ARHGAP42: variants seen among roughly 807,000 people sequenced by gnomAD.
ARHGAP42 encodes the protein Rho GTPase activating protein 42.
Under a neutral mutation model 125.0 loss-of-function variants are expected in ARHGAP42, and 63 were observed. The observed-to-expected ratio is 0.50, with a 90% CI of 0.41 to 0.62. The LOEUF (loss-of-function observed/expected upper bound fraction) is 0.62. Among genes scored for constraint, ARHGAP42 ranks in the 20% least tolerant of loss-of-function variants. ARHGAP42 has a pLI of 0.00. For missense variants in ARHGAP42, 766 were observed against 1,024.2 expected (o/e 0.75, Z 3.44); for synonymous variants, 339 against 351.0 (o/e 0.97, Z 0.38).
intron 10 of ARHGAP42, among the ~76,000 whole-genome samples, chr11:100,944,783 G>A (rs1867974798): frequency 1.3e-5 from 2 of 150,554 alleles, no homozygotes; most frequent in Admixed American, 1.3e-4. Context: ...GGTCATCTGA[G>A]TCTTTAGTGA....
intron 13 of ARHGAP42, among the ~76,000 whole-genome samples, chr11:100,960,275 G>A (rs1308398035): frequency 6.6e-6 from 1 of 151,206 alleles, no homozygotes; most frequent in East Asian, 1.9e-4. Context: ...TTCTTAAGGA[G>A]CTTGTCTTCA....
At position 100,973,901 on chromosome 11, in the gene ARHGAP42, G is replaced by A. The variant is rs193208758; in HGVS notation, c.1711-558G>A. On this transcript the variant is annotated intron_variant, in intron 18 of 23. Coordinates refer to ENST00000298815, the MANE Select transcript of ARHGAP42 (RefSeq NM_152432.4). Reference sequence around the variant, plus strand: ...CTGGTCCTTGTGAGAGAATGATTAAGGCCTTCTCCTCCCCTGGGTCCCTTC... The same window carrying A: ...CTGGTCCTTGTGAGAGAATGATTAAAGCCTTCTCCTCCCCTGGGTCCCTTC... Among the ~76,000 whole-genome samples, 68 of 152,272 alleles carry A rather than the reference G, an allele frequency of 4.5e-4. No homozygotes were observed. The East Asian group carries it at 0.012, about 26-fold the overall frequency.
In ARHGAP42 at chr11:100,844,203, A is replaced by G. The variant is rs146260817; in HGVS notation, c.313-15351A>G. 3.5e-4 allele frequency among the ~76,000 whole-genome samples: 54 copies of G among 152,266 alleles called. 2 individuals are homozygous for G. In the East Asian group the frequency reaches 9.8e-3, roughly 28 times the overall value. Reference sequence around the variant, plus strand: ...AACAAAAACAAAAAGTGGGGAAAGGACACCCCATTGAACAAATGGTGCTGG... The same window carrying G: ...AACAAAAACAAAAAGTGGGGAAAGGGCACCCCATTGAACAAATGGTGCTGG... On this transcript the variant is annotated intron_variant, in intron 3 of 23. Transcript: ENST00000298815.
At chr11:100,856,687 T>A (rs971512800) in intron 3 of ARHGAP42, among the ~76,000 whole-genome samples, 1 of 152,132 alleles carries the variant, frequency 6.6e-6, no homozygotes, top group Non-Finnish European at 1.5e-5. Flanking sequence ...GTTATTAATC[T>A]GGATTTCAAT....
chr11:100,903,037 A>T (rs777752652), intron 4 of ARHGAP42, among the ~76,000 whole-genome samples: 1 of 151,376 alleles, frequency 6.6e-6, no homozygotes, highest in Non-Finnish European at 1.5e-5. Flanking sequence ...TGCTGTGGCC[A>T]GGTCAGCTGA....
intron 3 of ARHGAP42, among the ~76,000 whole-genome samples, chr11:100,811,701 T>A (rs1269134118): frequency 6.6e-6 from 1 of 151,982 alleles, no homozygotes; most frequent in Non-Finnish European, 1.5e-5. Context: ...GGTTTCATCA[T>A]GTTAGCCAGG....
At chr11:100,752,936 G>C (rs576698153) in intron 1 of ARHGAP42, among the ~76,000 whole-genome samples, 1 of 152,332 alleles carries the variant, frequency 6.6e-6, no homozygotes, top group South Asian at 2.1e-4. Context: ...ATGCTCGCAA[G>C]AGAATGCCAG....
chr11:100,835,356 C>T (rs1280468513), intron 3 of ARHGAP42, among the ~76,000 whole-genome samples: 1 of 152,090 alleles, frequency 6.6e-6, no homozygotes, highest in Admixed American at 6.5e-5. Flanking sequence ...TAATTTAACC[C>T]TAAAGGTTTC....
At chr11:100,764,170 A>G (rs1284604210) in intron 1 of ARHGAP42, among the ~76,000 whole-genome samples, 1 of 151,860 alleles carries the variant, frequency 6.6e-6, no homozygotes, top group Admixed American at 6.6e-5. Context: ...CACTGGCACA[A>G]GCCACTGCAC....
intron 12 of ARHGAP42, among the ~76,000 whole-genome samples, chr11:100,958,942 T>C (rs988221844): frequency 2.6e-5 from 4 of 151,984 alleles, no homozygotes; most frequent in African/African-American, 9.7e-5. Flanking sequence ...TTTTTTGATA[T>C]ATATTTTTTT....
intron 2 of ARHGAP42, among the ~76,000 whole-genome samples, chr11:100,783,595 A>G (rs546745414): frequency 4.9e-4 from 75 of 152,312 alleles, no homozygotes; most frequent in South Asian, 1.2e-3. Flanking sequence ...CGAAAGCTGT[A>G]AGGGCCACTT....
intron 2 of ARHGAP42, among the ~76,000 whole-genome samples, chr11:100,783,800 C>T (rs1863370219): frequency 6.6e-6 from 1 of 152,200 alleles, no homozygotes. Flanking sequence ...TTACTTAGTT[C>T]ATGCTGATGT....
At chr11:100,881,636 G>T (rs1865965130) in intron 4 of ARHGAP42, among the ~76,000 whole-genome samples, 1 of 152,040 alleles carries the variant, frequency 6.6e-6, no homozygotes, top group Non-Finnish European at 1.5e-5. Context: ...ATTTTGATGG[G>T]AATTGCATTG....
intron 2 of ARHGAP42, among the ~76,000 whole-genome samples, chr11:100,786,475 T>A (rs1192669999): frequency 6.6e-6 from 1 of 152,226 alleles, no homozygotes; most frequent in East Asian, 1.9e-4. Flanking sequence ...TTTGCATGTA[T>A]CTATTTGCCA....
chr11:100,809,851 AG>A (rs1270108953), intron 3 of ARHGAP42, among the ~76,000 whole-genome samples: 1 of 152,024 alleles, frequency 6.6e-6, no homozygotes, highest in Non-Finnish European at 1.5e-5. Context: ...TGAGGTGGGA[AG>A]ATCACTTGAG....
chr11:100,790,189 G>T (rs1300613701), intron 2 of ARHGAP42, among the ~76,000 whole-genome samples: 2 of 152,082 alleles, frequency 1.3e-5, no homozygotes. Context: ...TACAAAATAG[G>T]TATTTTAGAC....
chr11:100,875,762 G>T (rs913660697), intron 4 of ARHGAP42, among the ~76,000 whole-genome samples: 1 of 38,402 alleles, frequency 2.6e-5, no homozygotes, highest in East Asian at 8.8e-4. Context: ...CCAGGGTGGC[G>T]GGGGGTGACT....
chr11:100,992,465 T>C lies in ARHGAP42; in HGVS notation c.*3664T>C, dbSNP rs77738491. ...GCTATTTAACTTTGCCTCCTACCCT[T>C]TTTTGTTACCTTCCAAAATCAAGAC... is the stretch of plus-strand genomic sequence containing the variant. On this transcript the variant is annotated 3_prime_UTR_variant, in exon 24 of 24. Transcript: ENST00000298815. The C allele has an allele frequency of 5.1e-3, 8,300 of 1,614,100 alleles. 393 individuals are homozygous for C. In the East Asian group the frequency reaches 0.12, roughly 24 times the overall value.
chr11:100,775,832 T>G lies in ARHGAP42; in HGVS notation c.250+5394T>G, dbSNP rs73575556. 3.4e-4 allele frequency among the ~76,000 whole-genome samples: 52 copies of G among 152,300 alleles called. 1 individual carries two copies. In the South Asian group the frequency reaches 9.7e-3, roughly 29 times the overall value. On this transcript the variant is annotated intron_variant, in intron 2 of 23. Transcript: ENST00000298815. ...ATTTGAAATCATTTTAAATCAAAGA[T>G]TAAAAATGAGAAGACCTCTAGGTTT...
Sources: allele counts gnomAD v4.1 joint callset (sites outside exome capture counted in the v4.1 genomes callset), GRCh38; gene constraint gnomAD v4.1.1; transcripts MANE v1.5; gene names NCBI Gene and HGNC (gene_info 2026-07-23, HGNC 2026-07-21).